NR3C2: variants seen among roughly 807,000 people sequenced by gnomAD.
NR3C2 encodes the protein mineralocorticoid receptor.
A neutral mutation model predicts 86.4 loss-of-function variants in NR3C2; 15 were observed. That is an observed-to-expected ratio of 0.17 (90% CI 0.12 to 0.27). NR3C2 has a LOEUF of 0.27. Among genes scored for constraint, NR3C2 ranks in the 10% least tolerant of loss-of-function variants. The probability of loss-of-function intolerance (pLI) is 1.00; values close to 1 mark genes in which losing one functional copy is unlikely to be tolerated. For synonymous variants in NR3C2, 458 were observed against 450.5 expected (o/e 1.02, Z -0.21); for missense variants, 960 against 1,195.6 (o/e 0.80, Z 2.91).
At chr4:148,328,856 C>A (rs1744090758) in intron 2 of NR3C2, among the ~76,000 whole-genome samples, 1 of 152,110 alleles carries the variant, frequency 6.6e-6, no homozygotes, top group Non-Finnish European at 1.5e-5. Context: ...CTTTCTGAGT[C>A]CAGATGAATT....
At chr4:148,165,891 A>G (rs1734856308) in intron 4 of NR3C2, among the ~76,000 whole-genome samples, 2 of 152,262 alleles carry the variant, frequency 1.3e-5, no homozygotes, top group Non-Finnish European at 2.9e-5. Flanking sequence ...GTCAGAAGCT[A>G]GTACTAACAT....
intron 6 of NR3C2, among the ~76,000 whole-genome samples, chr4:148,137,506 GC>G (rs1304156114): frequency 6.6e-6 from 1 of 152,160 alleles, no homozygotes; most frequent in Non-Finnish European, 1.5e-5. Flanking sequence ...TAGACTATGA[GC>G]CCTTTTAGGG....
intron 2 of NR3C2, among the ~76,000 whole-genome samples, chr4:148,291,239 A>G (rs1561022687): frequency 6.6e-6 from 1 of 151,312 alleles, no homozygotes; most frequent in Non-Finnish European, 1.5e-5. Flanking sequence ...ATGACTTAGG[A>G]TTTTTTTTTC....
intron 2 of NR3C2, among the ~76,000 whole-genome samples, chr4:148,370,809 A>G (rs1746380750): frequency 6.6e-6 from 1 of 152,176 alleles, no homozygotes; most frequent in African/African-American, 2.4e-5. Flanking sequence ...CTTTTAGAAA[A>G]GTTTTCACCA....
chr4:148,290,412 G>A (rs1322226938), intron 2 of NR3C2, among the ~76,000 whole-genome samples: 1 of 152,104 alleles, frequency 6.6e-6, no homozygotes, highest in East Asian at 1.9e-4. Context: ...TAAAGCAAAG[G>A]ACCCAACTAA....
At chr4:148,179,199 G>A (rs1180668192) in intron 4 of NR3C2, among the ~76,000 whole-genome samples, 1 of 151,610 alleles carries the variant, frequency 6.6e-6, no homozygotes, top group Non-Finnish European at 1.5e-5. Flanking sequence ...CTGGGAGGTT[G>A]CTGGGGGTCC....
At position 148,387,418 on chromosome 4, in the gene NR3C2, T is replaced by TG. The variant is rs1161362751; in HGVS notation, c.1757+47685_1757+47686insC. ...GGAGACCCCCATTTGATTAAGCCAC[T>TG]TTAGCCTGAGTTTTCTGTTACATAC... On this transcript the variant is annotated intron_variant, in intron 2 of 8. Coordinates refer to ENST00000358102, the MANE Select transcript of NR3C2 (RefSeq NM_000901.5). Among the ~76,000 whole-genome samples, 6 of 152,218 alleles carry TG rather than the reference T, an allele frequency of 3.9e-5. No homozygotes were observed. The East Asian group carries it at 1.2e-3, about 29-fold the overall frequency.
At chr4:148,121,704 T>A (rs1226547570) in intron 6 of NR3C2, among the ~76,000 whole-genome samples, 1 of 152,210 alleles carries the variant, frequency 6.6e-6, no homozygotes, top group Non-Finnish European at 1.5e-5. Context: ...ACAGTACTGC[T>A]TTGTTTTATG....
In NR3C2 at chr4:148,241,325, AAAAAAAAAG is replaced by A. The variant is rs1396377816; in HGVS notation, c.1897+18644_1897+18652del. On this transcript the variant is annotated intron_variant, in intron 3 of 8. Coordinates refer to ENST00000358102, the MANE Select transcript of NR3C2 (RefSeq NM_000901.5). ...TGTCTCAAAAAAAAAAAAAAAAAAA[AAAAAAAAAG>A]GGGAAAAATAAAATCTAATCTCCCT... Among the ~76,000 whole-genome samples, 679 of 146,812 alleles carry A rather than the reference AAAAAAAAAG, an allele frequency of 4.6e-3. 97 individuals carry two copies. The highest frequency in any genetic ancestry group is 0.015 in the South Asian group (65 of 4,458).
chr4:148,160,581 G>C (rs1448072349), intron 4 of NR3C2, among the ~76,000 whole-genome samples: 2 of 152,008 alleles, frequency 1.3e-5, no homozygotes, highest in East Asian at 3.8e-4. Context: ...ATGGAATCTT[G>C]TTCAATTACA....
intron 8 of NR3C2, among the ~76,000 whole-genome samples, chr4:148,090,518 G>A (rs1401050968): frequency 6.6e-6 from 1 of 152,184 alleles, no homozygotes; most frequent in Non-Finnish European, 1.5e-5. Flanking sequence ...CAAGTAAGTC[G>A]ACCCTTGAAC....
At chr4:148,335,042 C>T (rs1032593120) in intron 2 of NR3C2, among the ~76,000 whole-genome samples, 2 of 152,192 alleles carry the variant, frequency 1.3e-5, no homozygotes, top group Non-Finnish European at 2.9e-5. Context: ...ACATTAGGGG[C>T]CACTCTATTC....
Position 148,260,127 on chromosome 4 carries a change from G to T in NR3C2, c.1758-10C>A, listed in dbSNP as rs1740024239. ...ACTTCGTAAAGTAGAGCTGGGGAAAGAAATTGAGATTTAAATAACTACACC... is the reference window on the plus strand; with the variant it reads ...ACTTCGTAAAGTAGAGCTGGGGAAATAAATTGAGATTTAAATAACTACACC... On this transcript the variant is annotated splice_polypyrimidine_tract_variant and intron_variant, in intron 2 of 8. Transcript: ENST00000358102. 6.2e-7 allele frequency: 1 copy of T among 1,613,730 alleles called. No homozygotes were observed. The highest frequency in any genetic ancestry group is 1.7e-5 in the Admixed American group (1 of 59,988).
intron 7 of NR3C2, among the ~76,000 whole-genome samples, chr4:148,117,118 G>A (rs2149730435): frequency 6.6e-6 from 1 of 152,262 alleles, no homozygotes; most frequent in Middle Eastern, 3.4e-3. Context: ...GCAGGTGAGG[G>A]GTTGTAAACA....
At chr4:148,169,114 A>G (rs1250626586) in intron 4 of NR3C2, among the ~76,000 whole-genome samples, 2 of 152,244 alleles carry the variant, frequency 1.3e-5, no homozygotes, top group African/African-American at 4.8e-5. Context: ...GTTTTTTCTA[A>G]GTACCAAGCA....
chr4:148,186,566 T>A (rs908687111), intron 4 of NR3C2, among the ~76,000 whole-genome samples: 2 of 152,170 alleles, frequency 1.3e-5, no homozygotes, highest in East Asian at 1.9e-4. Flanking sequence ...CCAAAGTCCA[T>A]GAATTCTCAG....
chr4:148,203,621 T>C (rs1205522641), intron 3 of NR3C2, among the ~76,000 whole-genome samples: 1 of 152,014 alleles, frequency 6.6e-6, no homozygotes, highest in Non-Finnish European at 1.5e-5. Flanking sequence ...GCATTGCAGA[T>C]TCTGATGGGC....
intron 8 of NR3C2, among the ~76,000 whole-genome samples, chr4:148,088,081 A>G (rs567929247): frequency 1.3e-5 from 2 of 152,366 alleles, no homozygotes; most frequent in Non-Finnish European, 2.9e-5. Flanking sequence ...AAAAGAAGAC[A>G]TTTATGCAGC....
At chr4:148,310,418 C>T (rs143958171) in intron 2 of NR3C2, among the ~76,000 whole-genome samples, 1 of 152,318 alleles carries the variant, frequency 6.6e-6, no homozygotes, top group African/African-American at 2.4e-5. Flanking sequence ...AGAAATCTCC[C>T]AGGCATCACA....
Sources: allele counts gnomAD v4.1 joint callset (sites outside exome capture counted in the v4.1 genomes callset), GRCh38; gene constraint gnomAD v4.1.1; transcripts MANE v1.5; gene names NCBI Gene and HGNC (gene_info 2026-07-23, HGNC 2026-07-21).